GPR174: variants seen among roughly 807,000 people sequenced by gnomAD.
GPR174 encodes G protein-coupled receptor 174, also known as probable G protein-coupled receptor 174.
A neutral mutation model predicts 16.5 loss-of-function variants in GPR174; 8 were observed. The ratio of observed to expected loss-of-function variants is 0.48; its 90% confidence interval spans 0.28 to 0.87. The LOEUF (loss-of-function observed/expected upper bound fraction) is 0.87, where lower values mean the gene tolerates loss of function less well. GPR174 is among the 40% of genes least tolerant of loss of function. GPR174 has a pLI of 0.09. For missense variants in GPR174, 214 were observed against 247.5 expected, an observed-to-expected ratio of 0.86 and a Z score of 0.91; for synonymous variants, 111 against 94.8, an observed-to-expected ratio of 1.17 and a Z score of -0.99.
At chrX:79,155,837 A>G (rs1250487121) in intron 1 of GPR174, among the ~76,000 whole-genome samples, 1 of 111,811 alleles carries the variant, frequency 8.9e-6, no homozygotes, top group African/African-American at 3.2e-5. Flanking sequence ...AAATTTGCGT[A>G]GGTGGAAAAT....
chrX:79,164,422 C>G (rs1469607985), intron 2 of GPR174, among the ~76,000 whole-genome samples: 5 of 111,872 alleles, frequency 4.5e-5, no homozygotes, highest in Non-Finnish European at 9.4e-5. Context: ...TGGAAGATTA[C>G]TTAAAGAGTC....
rs1193746758 is a variant in GPR174, at chrX:79,171,583, T to C, written c.576T>C (p.Ile192=). The C allele has an allele frequency of 8.3e-7, 1 of 1,211,421 alleles. No individual in the cohort carries two copies. Among genetic ancestry groups the C allele is most frequent in the African/African-American group, 1.7e-5 (1 of 57,735 alleles). ...TTATGATGACCATTGGCGAGTTGAT[T>C]GGGTTTGTAACTCCGCTTCTGATTG... is the stretch of plus-strand genomic sequence containing the variant. The part of the protein sequence containing the change: ...SVVMMTIGEL[I]GFVTPLLIVL... Residue 192 remains isoleucine, a synonymous_variant, in exon 3 of 3, where the codon ATT becomes ATC. Coordinates refer to ENST00000645147, the MANE Select transcript of GPR174 (RefSeq NM_032553.3).
At chrX:79,152,652 A>G (rs1926624683) in intron 1 of GPR174, among the ~76,000 whole-genome samples, 1 of 111,185 alleles carries the variant, frequency 9.0e-6, no homozygotes, top group Non-Finnish European at 1.9e-5. Flanking sequence ...CAGTTTCTAA[A>G]CTCTCTTCTA....
chrX:79,172,446 CAT>C lies in GPR174; in HGVS notation c.*440_*441del, dbSNP rs2147462537. 1 of 120,875 alleles carries C rather than the reference CAT, an allele frequency of 8.3e-6. No homozygotes were observed. The highest frequency in any genetic ancestry group is 1.7e-5 in the Non-Finnish European group (1 of 59,032). The allele number at this position is 120,875 out of a possible 1,213,427, so 10.0% of individuals were successfully genotyped here. ...GTAATCACAGTTTACATGCCATTTT[CAT>C]ATGTTTGGTTATATTTTAGTGGGAT... On this transcript the variant is annotated 3_prime_UTR_variant, in exon 3 of 3. Transcript: ENST00000645147.
intron 2 of GPR174, among the ~76,000 whole-genome samples, chrX:79,161,854 G>T (rs996932277): frequency 8.9e-6 from 1 of 111,877 alleles, no homozygotes; most frequent in Admixed American, 9.5e-5. Flanking sequence ...AATAAAAATA[G>T]CACTACATTG....
At chrX:79,169,782 TG>T (rs1292160140) in intron 2 of GPR174, among the ~76,000 whole-genome samples, 1 of 111,972 alleles carries the variant, frequency 8.9e-6, no homozygotes, top group Non-Finnish European at 1.9e-5. Context: ...TTCTCTGCTC[TG>T]GTGCTACATC....
chrX:79,158,968 T>C (rs1198235595), intron 2 of GPR174, among the ~76,000 whole-genome samples: 6 of 109,785 alleles, frequency 5.5e-5, no homozygotes, highest in Admixed American at 4.0e-4. Context: ...GCTTATTTCA[T>C]ACTGCATGCC....
chrX:79,171,802 A>C lies in GPR174; in HGVS notation c.795A>C (p.Leu265=). 1 of 1,210,310 alleles carries C rather than the reference A, an allele frequency of 8.3e-7. No individual in the cohort carries two copies. Among genetic ancestry groups the C allele is most frequent in the South Asian group, 1.8e-5 (1 of 56,749 alleles). ...AGTCCAATGAAATTAAAAGCTGCCT[A>C]GCCAGAAGGGTGATTCTAATATTTC... is the stretch of plus-strand genomic sequence containing the variant. ...LVKSNEIKSC[L]ARRVILIFHS... Residue 265 remains leucine (L), a synonymous_variant, in exon 3 of 3, where the codon CTA becomes CTC. Transcript: ENST00000645147.
intron 2 of GPR174, among the ~76,000 whole-genome samples, chrX:79,158,991 T>C (rs1177369235): frequency 9.1e-6 from 1 of 109,832 alleles, no homozygotes; most frequent in Non-Finnish European, 1.9e-5. Flanking sequence ...TATCAAAATA[T>C]CTCATGTATC....
chrX:79,162,386 A>C (rs1167430402), intron 2 of GPR174, among the ~76,000 whole-genome samples: 1 of 111,725 alleles, frequency 9.0e-6, no homozygotes, highest in Non-Finnish European at 1.9e-5. Flanking sequence ...AAAGAAAAAA[A>C]ATCTGAATGC....
At chrX:79,149,732 C>A (rs966376984) in intron 1 of GPR174, among the ~76,000 whole-genome samples, 1 of 109,738 alleles carries the variant, frequency 9.1e-6, no homozygotes, top group African/African-American at 3.3e-5. Flanking sequence ...AGTGAGTGAT[C>A]ATATATTGGG....
intron 2 of GPR174, among the ~76,000 whole-genome samples, chrX:79,157,457 C>A (rs370085382): frequency 9.9e-5 from 11 of 111,488 alleles, no homozygotes; most frequent in African/African-American, 3.6e-4. Flanking sequence ...GGTACACAGC[C>A]TTTATTCCCA....
chrX:79,155,640 A>G (rs907757592), intron 1 of GPR174, among the ~76,000 whole-genome samples: 3 of 109,279 alleles, frequency 2.7e-5, no homozygotes, highest in African/African-American at 9.9e-5. Context: ...CCCCAGGAGT[A>G]GGCATTATTA....
intron 1 of GPR174, among the ~76,000 whole-genome samples, chrX:79,149,333 T>G (rs189865305): frequency 1.8e-3 from 206 of 111,830 alleles, no homozygotes; most frequent in Non-Finnish European, 7.5e-4. Context: ...TTTTTATACC[T>G]TATAAATGTA....
In GPR174 at chrX:79,170,924, T is replaced by A; in HGVS notation, c.-84T>A. 1 of 865,393 alleles carries A rather than the reference T, an allele frequency of 1.2e-6. No homozygotes were observed. The highest frequency in any genetic ancestry group is 1.6e-6 in the Non-Finnish European group (1 of 614,197). The allele number at this position is 865,393 out of a possible 1,213,427, so 71.3% of individuals were successfully genotyped here. On this transcript the variant is annotated 5_prime_UTR_variant, in exon 3 of 3. Transcript: ENST00000645147. Reference sequence around the variant, plus strand: ...CTTCGTATCTCCAACCCACTGGCAATCAATCTTTTGGAAGGAACAGCAGTT... The same window carrying A: ...CTTCGTATCTCCAACCCACTGGCAAACAATCTTTTGGAAGGAACAGCAGTT...
At chrX:79,159,546 T>A (rs1921183800) in intron 2 of GPR174, among the ~76,000 whole-genome samples, 1 of 111,571 alleles carries the variant, frequency 9.0e-6, no homozygotes, top group Non-Finnish European at 1.9e-5. Context: ...AGGTAGGTAC[T>A]ATTATCATCT....
At chrX:79,169,645 T>TA (rs1385532607) in intron 2 of GPR174, among the ~76,000 whole-genome samples, 1 of 111,714 alleles carries the variant, frequency 9.0e-6, no homozygotes, top group Non-Finnish European at 1.9e-5. Flanking sequence ...CACATATCTT[T>TA]AAAGTTAGTT....
rs1196632886 is a variant in GPR174, at chrX:79,160,265, TTATC to T, written c.-557+3350_-557+3353del. Among the ~76,000 whole-genome samples, 3 of 111,000 alleles carry T rather than the reference TTATC, an allele frequency of 2.7e-5. No homozygotes were observed. In the East Asian group the frequency reaches 8.4e-4, roughly 31 times the overall value. On this transcript the variant is annotated intron_variant, in intron 2 of 2. Transcript: ENST00000645147. ...TGGCTTTTGATTGTTTCCCAATAAT[TTATC>T]TACCCTTAAAAATCAAAGATTTGTC... is the stretch of plus-strand genomic sequence containing the variant.
intron 2 of GPR174, among the ~76,000 whole-genome samples, chrX:79,168,045 T>G (rs1241849392): frequency 2.7e-5 from 3 of 112,369 alleles, no homozygotes; most frequent in Non-Finnish European, 5.6e-5. Context: ...TTCAAAGCAT[T>G]TTATTACTTT....
Sources: allele counts gnomAD v4.1 joint callset (sites outside exome capture counted in the v4.1 genomes callset), GRCh38; gene constraint gnomAD v4.1.1; transcripts MANE v1.5; gene names NCBI Gene and HGNC (gene_info 2026-07-23, HGNC 2026-07-21).